Variants in STK39 observed in about 807,000 individuals in gnomAD.
The protein encoded by STK39 is serine/threonine kinase 39, also known as STE20/SPS1-related proline-alanine-rich protein kinase.
In STK39, 20 loss-of-function variants were observed where a neutral mutation model predicts 77.8. That is an observed-to-expected ratio of 0.26 (90% CI 0.18 to 0.37). The LOEUF is 0.37. Among genes scored for constraint, STK39 ranks in the 10% least tolerant of loss-of-function variants. The probability of loss-of-function intolerance (pLI) is 1.00; values close to 1 mark genes in which losing one functional copy is unlikely to be tolerated. For synonymous variants in STK39, 246 were observed against 234.1 expected (o/e 1.05, Z -0.47); for missense variants, 479 against 656.5 (o/e 0.73, Z 2.95).
chr2:167,991,341 C>G (rs903763722), intron 16 of STK39, among the ~76,000 whole-genome samples: 1 of 152,096 alleles, frequency 6.6e-6, no homozygotes, highest in Non-Finnish European at 1.5e-5. Flanking sequence ...CTGGGCAGCA[C>G]CCTGGTACTT....
chr2:168,235,547 G>C (rs899056548), intron 1 of STK39, among the ~76,000 whole-genome samples: 10 of 151,544 alleles, frequency 6.6e-5, no homozygotes, highest in African/African-American at 2.4e-4. Context: ...GCTGCGCCCA[G>C]TAACTCGTCA....
chr2:168,154,090 T>C (rs563429852), intron 5 of STK39, among the ~76,000 whole-genome samples: 72 of 152,322 alleles, frequency 4.7e-4, no homozygotes, highest in African/African-American at 1.7e-3. Context: ...AGGGAGCTGA[T>C]GAAATATGGT....
At chr2:168,168,545 T>C (rs991016493) in intron 2 of STK39, among the ~76,000 whole-genome samples, 3 of 152,324 alleles carry the variant, frequency 2.0e-5, no homozygotes, top group African/African-American at 7.2e-5. Context: ...AACTCAAAGT[T>C]ACCCAAGCAG....
intron 14 of STK39, among the ~76,000 whole-genome samples, chr2:168,026,591 A>G (rs1366851061): frequency 6.6e-5 from 10 of 152,166 alleles, no homozygotes; most frequent in Admixed American, 5.2e-4. Flanking sequence ...GGACCTCTAG[A>G]CCACTGCTCT....
At chr2:168,010,256 G>GAAAATATAT (rs59926529) in intron 16 of STK39, among the ~76,000 whole-genome samples, 23,390 of 152,068 alleles carry the variant, frequency 0.15, 4,023 homozygotes, top group African/African-American at 0.42. Context: ...TCTCTTCAAG[G>GAAAATATAT]TTTGCAGGGT....
At chr2:167,989,116 T>G (rs1051765433) in intron 16 of STK39, among the ~76,000 whole-genome samples, 6 of 152,188 alleles carry the variant, frequency 3.9e-5, no homozygotes, top group African/African-American at 1.4e-4. Flanking sequence ...ATGAGGTGGG[T>G]GATCAATGTT....
At chr2:168,051,300 G>A (rs552163728) in intron 14 of STK39, among the ~76,000 whole-genome samples, 1 of 152,166 alleles carries the variant, frequency 6.6e-6, no homozygotes. Flanking sequence ...TCTGCACAGC[G>A]ACAGGAAGGA....
chr2:168,171,573 C>A (rs1417240253), intron 2 of STK39, among the ~76,000 whole-genome samples: 1 of 151,732 alleles, frequency 6.6e-6, no homozygotes, highest in Non-Finnish European at 1.5e-5. Context: ...GAAGCTTTAA[C>A]CTTCCTGGCT....
In STK39 at chr2:168,138,069, T is replaced by A; in HGVS notation, c.974+19A>T. 6.2e-7 allele frequency: 1 copy of A among 1,611,750 alleles called. No individual in the cohort carries two copies. Among genetic ancestry groups the A allele is most frequent in the Non-Finnish European group, 8.5e-7 (1 of 1,178,518 alleles). ...TGGCTCAAACCAGGTCATTAACTCA[T>A]CCACTAAGTTTCACTTACCTTTTGG... On this transcript the variant is annotated intron_variant, in intron 8 of 17. Transcript: ENST00000355999.
intron 16 of STK39, among the ~76,000 whole-genome samples, chr2:168,003,477 A>T (rs997752827): frequency 5.9e-5 from 9 of 151,998 alleles, no homozygotes; most frequent in Admixed American, 3.3e-4. Flanking sequence ...CTCAGTAAAG[A>T]TTTTTTTTAA....
At chr2:168,140,165 G>C in intron 7 of STK39, 124 bp downstream of exon 7, 1 of 785,042 alleles carries the variant, frequency 1.3e-6, no homozygotes. Context: ...TGTTCAACTT[G>C]GCTGCGTTCC....
chr2:168,008,945 C>T (rs1297284063), intron 16 of STK39, among the ~76,000 whole-genome samples: 6 of 152,208 alleles, frequency 3.9e-5, no homozygotes, highest in African/African-American at 1.4e-4. Context: ...GTGTCCTTTA[C>T]CTTCCTTCTT....
chr2:168,080,532 A>G (rs1280000852), intron 10 of STK39, among the ~76,000 whole-genome samples: 2 of 152,078 alleles, frequency 1.3e-5, no homozygotes, highest in East Asian at 3.9e-4. Flanking sequence ...CAGGAGGCTG[A>G]GGCAGGAGAA....
At position 168,018,518 on chromosome 2, in the gene STK39, AG is replaced by A. The variant is rs1250482619; in HGVS notation, c.1377-1424del. On this transcript the variant is annotated intron_variant, in intron 14 of 17. Coordinates refer to ENST00000355999, the MANE Select transcript of STK39 (RefSeq NM_013233.3). Reference sequence around the variant, plus strand: ...ATTTTTAAGAAAAGAAAGAAAAGAAAGAAAAGAAAGAAAAGAAAGAAAAGAA... The same window carrying A: ...ATTTTTAAGAAAAGAAAGAAAAGAAAAAAAGAAAGAAAAGAAAGAAAAGAA... Among the ~76,000 whole-genome samples the A allele has an allele frequency of 4.5e-4, 45 of 100,952 alleles. 1 individual carries two copies. Among genetic ancestry groups the A allele is most frequent in the African/African-American group, 2.4e-3 (42 of 17,550 alleles). The allele number at this position is 100,952 out of a possible 152,430, so 66.2% of individuals were successfully genotyped here. A position where few individuals can be genotyped will look rare whatever the true frequency, so the allele number is the denominator to read the frequency against.
intron 10 of STK39, among the ~76,000 whole-genome samples, chr2:168,090,276 C>A (rs912399695): frequency 6.8e-6 from 1 of 147,504 alleles, no homozygotes; most frequent in Non-Finnish European, 1.5e-5. Flanking sequence ...TTAGTAGGGA[C>A]CAAAGATACA....
intron 1 of STK39, among the ~76,000 whole-genome samples, chr2:168,212,977 ATATT>A (rs1689929936): frequency 6.6e-6 from 1 of 152,230 alleles, no homozygotes; most frequent in Admixed American, 6.5e-5. Flanking sequence ...GCCTCTGCCA[ATATT>A]TAGTCATATT....
intron 10 of STK39, among the ~76,000 whole-genome samples, chr2:168,099,477 A>C (rs576745613): frequency 2.0e-4 from 31 of 152,326 alleles, no homozygotes; most frequent in African/African-American, 6.7e-4. Flanking sequence ...AAGAAAAGAA[A>C]GCTATTCTGG....
rs536833126 is a variant in STK39, at chr2:168,208,047, G to A, written c.209-25957C>T. Among the ~76,000 whole-genome samples the A allele has an allele frequency of 2.7e-4, 41 of 152,304 alleles. 1 individual carries two copies. Among genetic ancestry groups the A allele is most frequent in the Admixed American group, 1.6e-3 (24 of 15,300 alleles). ...ATTTGACTCAGCAGGCTCCTTCTCCGGAGATGTTCTGGGGATAGGAGCAGA... is the reference window on the plus strand; with the variant it reads ...ATTTGACTCAGCAGGCTCCTTCTCCAGAGATGTTCTGGGGATAGGAGCAGA... On this transcript the variant is annotated intron_variant, in intron 1 of 17. Transcript: ENST00000355999.
intron 5 of STK39, among the ~76,000 whole-genome samples, chr2:168,146,785 C>G (rs1000296366): frequency 4.6e-5 from 7 of 152,106 alleles, no homozygotes; most frequent in Non-Finnish European, 1.0e-4. Flanking sequence ...GCAGAGAAGA[C>G]CACAACCATA....
Sources: gnomAD v4.1 joint callset for allele counts (sites outside exome capture counted in the v4.1 genomes callset) on GRCh38, gnomAD v4.1.1 for gene constraint, MANE v1.5 for transcripts, NCBI Gene and HGNC (gene_info 2026-07-23, HGNC 2026-07-21) for gene names.